FKBP5: variants seen among roughly 807,000 people sequenced by gnomAD.
The protein encoded by FKBP5 is peptidyl-prolyl cis-trans isomerase FKBP5.
A neutral mutation model predicts 50.5 loss-of-function variants in FKBP5; 23 were observed. The ratio of observed to expected loss-of-function variants is 0.46; its 90% CI spans 0.33 to 0.65. The LOEUF (loss-of-function observed/expected upper bound fraction) is 0.65, where lower values mean the gene tolerates loss of function less well. Ranked by LOEUF, FKBP5 falls within the 30% of genes least tolerant of loss-of-function variation. The pLI, the probability that FKBP5 is intolerant of heterozygous loss-of-function variation, is 0.02. For synonymous variants in FKBP5, 176 were observed against 190.6 expected, an observed-to-expected ratio of 0.92 and a Z score of 0.63; for missense variants, 411 against 553.1, an observed-to-expected ratio of 0.74 and a Z score of 2.58.
chr6:35,610,086 C>T (rs1199644873), intron 5 of FKBP5, among the ~76,000 whole-genome samples: 1 of 152,046 alleles, frequency 6.6e-6, no homozygotes, highest in Middle Eastern at 3.2e-3. Context: ...CCATGGCAGG[C>T]CTTTCTGCAA....
At chr6:35,655,252 T>C (rs1384786399) in intron 1 of FKBP5, among the ~76,000 whole-genome samples, 1 of 152,204 alleles carries the variant, frequency 6.6e-6, no homozygotes, top group African/African-American at 2.4e-5. Flanking sequence ...AACTATCTAC[T>C]GAATACCTAC....
chr6:35,666,976 CAG>C (rs1765249703), intron 1 of FKBP5, among the ~76,000 whole-genome samples: 1 of 151,480 alleles, frequency 6.6e-6, no homozygotes, highest in Admixed American at 6.6e-5. Flanking sequence ...GAATGGGGCT[CAG>C]GGGAAGAAAC....
intron 5 of FKBP5, among the ~76,000 whole-genome samples, chr6:35,615,289 C>A (rs1474823498): frequency 1.3e-5 from 2 of 151,952 alleles, no homozygotes; most frequent in Admixed American, 6.6e-5. Flanking sequence ...TGATGATATC[C>A]CATAGCAGGA....
At chr6:35,581,713 A>G (rs1762438277) in intron 8 of FKBP5, 2 of 985,404 alleles carry the variant, frequency 2.0e-6, no homozygotes, top group Non-Finnish European at 2.4e-6. Flanking sequence ...TAGAAACAGG[A>G]GTACAAGTGG....
chr6:35,582,508 G>T, intron 8 of FKBP5: 1 of 400,608 alleles, frequency 2.5e-6, no homozygotes, highest in Non-Finnish European at 3.4e-6. Flanking sequence ...ATGTGGAAAG[G>T]CCATGTGAGA....
At chr6:35,695,140 G>A (rs1766061581) in intron 2 of FKBP5, among the ~76,000 whole-genome samples, 1 of 152,050 alleles carries the variant, frequency 6.6e-6, no homozygotes, top group South Asian at 2.1e-4. Flanking sequence ...AGAGAAGAAT[G>A]TCCATTTCAA....
intron 6 of FKBP5, among the ~76,000 whole-genome samples, chr6:35,594,936 C>T (rs530887108): frequency 6.6e-6 from 1 of 152,290 alleles, no homozygotes; most frequent in East Asian, 1.9e-4. Flanking sequence ...TCATGTTAAA[C>T]AGGATTTCCT....
At chr6:35,712,754 G>A (rs996393659) in intron 2 of FKBP5, among the ~76,000 whole-genome samples, 2 of 152,184 alleles carry the variant, frequency 1.3e-5, no homozygotes, top group African/African-American at 4.8e-5. Flanking sequence ...AGATGCTGAG[G>A]CACCAGTGCC....
At position 35,639,106 on chromosome 6, in the gene FKBP5, C is replaced by CA. The variant is rs536334961; in HGVS notation, c.106-1949dup. Among the ~76,000 whole-genome samples, 21 of 152,294 alleles carry CA rather than the reference C, an allele frequency of 1.4e-4. No homozygotes were observed. In the South Asian group the frequency reaches 4.1e-3, roughly 30 times the overall value. On this transcript the variant is annotated intron_variant, in intron 2 of 10. Transcript: ENST00000357266. Reference sequence around the variant, plus strand: ...ATATAAATCCATCTTTTATCTTCCTCAGATAGTTACTGAATTTCCAAACCA... The same window carrying CA: ...ATATAAATCCATCTTTTATCTTCCTCAAGATAGTTACTGAATTTCCAAACCA...
intron 5 of FKBP5, among the ~76,000 whole-genome samples, chr6:35,603,419 C>T (rs550557477): frequency 6.6e-6 from 1 of 152,286 alleles, no homozygotes; most frequent in East Asian, 1.9e-4. Context: ...GTACCCAGCA[C>T]AGAGTTCAGG....
At chr6:35,684,085 G>C (rs150209449) in intron 1 of FKBP5, among the ~76,000 whole-genome samples, 134 of 151,914 alleles carry the variant, frequency 8.8e-4, no homozygotes, top group African/African-American at 3.1e-3. Flanking sequence ...AAAGAATTTG[G>C]ACATTCCTTA....
upstream of FKBP5, among the ~76,000 whole-genome samples, chr6:35,689,169 A>G (rs1765932540): frequency 6.6e-6 from 1 of 152,182 alleles, no homozygotes; most frequent in South Asian, 2.1e-4. Flanking sequence ...TGTGGGGGCC[A>G]TAGAGAAGGG....
At chr6:35,586,971 A>C in intron 8 of FKBP5, 63 bp downstream of exon 8, 2 of 1,612,184 alleles carry the variant, frequency 1.2e-6, no homozygotes, top group Non-Finnish European at 1.7e-6. Flanking sequence ...GAATATCAGC[A>C]CAATTCACCA....
chr6:35,604,031 G>A lies in FKBP5; in HGVS notation c.509-6627C>T, dbSNP rs1406813857. ...TCTTTATTGTTTTTGTTTTGAGTTG[G>A]GGGTCTCACTTTGTTGCCCAGCCTG... On this transcript the variant is annotated intron_variant, in intron 5 of 10. Transcript: ENST00000357266. Among the ~76,000 whole-genome samples the A allele has an allele frequency of 4.7e-5, 7 of 149,152 alleles. No individual in the cohort carries two copies. The Admixed American group carries it at 4.7e-4, about 10-fold the overall frequency.
At chr6:35,611,100 C>G (rs748434016) in intron 5 of FKBP5, among the ~76,000 whole-genome samples, 3 of 152,200 alleles carry the variant, frequency 2.0e-5, no homozygotes, top group Non-Finnish European at 2.9e-5. Context: ...CTTAAGTCCT[C>G]TTTACACCTG....
chr6:35,643,714 C>A (rs1764554438), intron 1 of FKBP5, among the ~76,000 whole-genome samples: 1 of 152,228 alleles, frequency 6.6e-6, no homozygotes, highest in African/African-American at 2.4e-5. Flanking sequence ...ATCCACCTCT[C>A]TCAAATCCTA....
chr6:35,584,112 G>C, intron 8 of FKBP5: 2 of 985,444 alleles, frequency 2.0e-6, no homozygotes, highest in Non-Finnish European at 2.4e-6. Context: ...CTGTCCTGCA[G>C]AACACTGTCA....
At chr6:35,641,677 C>T (rs1245004914) in intron 2 of FKBP5, among the ~76,000 whole-genome samples, 1 of 152,166 alleles carries the variant, frequency 6.6e-6, no homozygotes, top group Non-Finnish European at 1.5e-5. Context: ...AAGATATCTT[C>T]ACTGTACACA....
chr6:35,622,194 C>T (rs1159444260), intron 3 of FKBP5, among the ~76,000 whole-genome samples: 1 of 152,110 alleles, frequency 6.6e-6, no homozygotes, highest in Non-Finnish European at 1.5e-5. Flanking sequence ...AAAATGTCAG[C>T]TACATTTATT....
Sources: allele counts gnomAD v4.1 joint callset (sites outside exome capture counted in the v4.1 genomes callset), GRCh38; gene constraint gnomAD v4.1.1; transcripts MANE v1.5; gene names NCBI Gene and HGNC (gene_info 2026-07-23, HGNC 2026-07-21).